The following RUBCNL variants were observed in gnomAD, a reference collection of about 807,000 sequenced individuals.
RUBCNL encodes protein associated with UVRAG as autophagy enhancer.
RUBCNL carries 62 observed loss-of-function variants against 69.5 expected under a neutral mutation model. The ratio of observed to expected loss-of-function variants is 0.89; its 90% CI spans 0.73 to 1.10. The LOEUF (loss-of-function observed/expected upper bound fraction) is 1.10, where lower values mean the gene tolerates loss of function less well. Among genes scored for constraint, RUBCNL ranks in the 50% least tolerant of loss-of-function variants. The pLI, the probability that RUBCNL is intolerant of heterozygous loss-of-function variation, is 0.00. For missense variants in RUBCNL, 768 were observed against 798.1 expected, an observed-to-expected ratio of 0.96 and a Z score of 0.45; for synonymous variants, 291 against 303.6, an observed-to-expected ratio of 0.96 and a Z score of 0.43.
At chr13:46,362,939 G>GATATATATATATATATATATATAT (rs57722239) in intron 6 of RUBCNL, among the ~76,000 whole-genome samples, 176 bp downstream of exon 6, 1 of 41,482 alleles carries the variant, frequency 2.4e-5, no homozygotes, top group Non-Finnish European at 3.8e-5. Context: ...TATATATATA[G>GATATATATATATATATATATATAT]ATATATATAT....
At position 46,338,190 on chromosome 13, in the gene RUBCNL, C is replaced by T. The variant is rs2048116389; in HGVS notation, c.*5195G>A. On this transcript the variant is annotated 3_prime_UTR_variant, in exon 15 of 15. Transcript: ENST00000429979. ...AATACAGGTCCACATGCCATATATCCAAGTATTTAAAATTTGAAATATGTT... is the reference window on the plus strand; with the variant it reads ...AATACAGGTCCACATGCCATATATCTAAGTATTTAAAATTTGAAATATGTT... Among the ~76,000 whole-genome samples, 2 of 152,194 alleles carry T rather than the reference C, an allele frequency of 1.3e-5. No individual in the cohort carries two copies. Among genetic ancestry groups the T allele is most frequent in the African/African-American group, 4.8e-5 (2 of 41,456 alleles).
Position 46,335,081 on chromosome 13 carries a change from T to A in RUBCNL, c.*8304A>T, listed in dbSNP as rs534326289. Among the ~76,000 whole-genome samples, 1 of 151,886 alleles carries A rather than the reference T, an allele frequency of 6.6e-6. No individual in the cohort carries two copies. The highest frequency in any genetic ancestry group is 1.5e-5 in the Non-Finnish European group (1 of 67,982). On this transcript the variant is annotated 3_prime_UTR_variant, in exon 15 of 15. Coordinates refer to ENST00000429979, the MANE Select transcript of RUBCNL (RefSeq NM_025113.5). The stretch of plus-strand genomic sequence containing the variant: ...GTAAAGAATTTGGACTTTTTTTTTT[T>A]TGAGATGGGGTCTCACTCTGTCACC...
At chr13:46,359,748 C>T in intron 8 of RUBCNL, 117 bp from the exon 9 acceptor site, 3 of 1,038,332 alleles carry the variant, frequency 2.9e-6, no homozygotes, top group Non-Finnish European at 4.0e-6. Flanking sequence ...ATTAACAGTG[C>T]TTTTAACTGA....
At chr13:46,383,686 T>TA (rs1207729123) in intron 1 of RUBCNL, among the ~76,000 whole-genome samples, 1 of 152,148 alleles carries the variant, frequency 6.6e-6, no homozygotes, top group Admixed American at 6.5e-5. Flanking sequence ...TGAAGACTAT[T>TA]AAAGCTATCT....
At chr13:46,380,153 CAGA>C (rs1172144558) in intron 1 of RUBCNL, among the ~76,000 whole-genome samples, 1 of 152,112 alleles carries the variant, frequency 6.6e-6, no homozygotes, top group African/African-American at 2.4e-5. Context: ...GGTTTGCTGT[CAGA>C]AGAACACAAC....
intron 4 of RUBCNL, 153 bp from the exon 5 acceptor site, chr13:46,368,402 G>C (rs1051157918): frequency 1.0e-6 from 1 of 968,554 alleles, no homozygotes; most frequent in African/African-American, 1.8e-5. Context: ...GTCACTCTAT[G>C]ACTTATAGCA....
In RUBCNL at chr13:46,344,805, AC is replaced by A; in HGVS notation, c.1811del (p.Cys604LeufsTer84). The A allele has an allele frequency of 6.2e-7, 1 of 1,611,828 alleles. No homozygotes were observed. On this transcript the variant is annotated frameshift_variant, in exon 14 of 15. Coordinates refer to ENST00000429979, the MANE Select transcript of RUBCNL (RefSeq NM_025113.5). LOFTEE classifies it high-confidence loss of function. Reference sequence around the variant, plus strand: ...TGACAGTCGTATTCTGGCAAAATTCACAAATAAAGCCCTTTCCTTGACACAG... The same window carrying A: ...TGACAGTCGTATTCTGGCAAAATTCAAAATAAAGCCCTTTCCTTGACACAG... ...CELCQGKGFI[C>X]EFCQNTTVIF... is the part of the protein sequence containing the mutation.
rs2138694605 is a variant in RUBCNL at position 46,350,522 on chromosome 13, G to A, written c.1331-171C>T. 3 of 565,766 alleles carry A rather than the reference G, an allele frequency of 5.3e-6. No individual in the cohort carries two copies. In the South Asian group the frequency reaches 7.2e-5, roughly 14 times the overall value. The allele number at this position is 565,766 out of a possible 1,614,324, so 35.0% of individuals were successfully genotyped here. On this transcript the variant is annotated intron_variant, in intron 10 of 14. Transcript: ENST00000429979. ...GGGAAGGCTCCAGCAGAGACTTGGG[G>A]AATTAAATCATGGCCATTCATGAGC...
intron 9 of RUBCNL, 115 bp from the exon 10 acceptor site, chr13:46,356,611 G>T: frequency 1.3e-6 from 1 of 776,564 alleles, no homozygotes; most frequent in Non-Finnish European, 2.1e-6. Context: ...CCTTAACTTT[G>T]TCACTTTTCA....
intron 5 of RUBCNL, among the ~76,000 whole-genome samples, chr13:46,367,444 C>T (rs1220815635): frequency 2.6e-5 from 4 of 152,100 alleles, no homozygotes; most frequent in African/African-American, 7.2e-5. Context: ...ACATCAGCCA[C>T]GTTTATTTCC....
intron 14 of RUBCNL, among the ~76,000 whole-genome samples, chr13:46,344,525 T>C (rs73479355): frequency 0.011 from 1,641 of 152,288 alleles, 24 homozygotes; most frequent in African/African-American, 0.036. Flanking sequence ...CATTATCCTT[T>C]ATCCCTGCCC....
Position 46,336,970 on chromosome 13 carries a change from A to G in RUBCNL, c.*6415T>C, listed in dbSNP as rs544842751. ...CATGACTGTTATGGACTGAATATTT[A>G]TATCTCCTCAAAAGTCATGTGTTGA... On this transcript the variant is annotated 3_prime_UTR_variant, in exon 15 of 15. Transcript: ENST00000429979. Among the ~76,000 whole-genome samples, 27 of 152,128 alleles carry G rather than the reference A, an allele frequency of 1.8e-4. No individual in the cohort carries two copies. In the South Asian group the frequency reaches 5.4e-3, roughly 30 times the overall value.
At chr13:46,378,085 T>A (rs1450380033) in intron 1 of RUBCNL, 80 bp from the exon 2 acceptor site, 6 of 710,940 alleles carry the variant, frequency 8.4e-6, no homozygotes, top group Non-Finnish European at 1.3e-5. Context: ...GTTTGTAGTG[T>A]GTTAGTTATT....
intron 1 of RUBCNL, among the ~76,000 whole-genome samples, chr13:46,381,181 C>G (rs956130740): frequency 6.6e-6 from 1 of 152,158 alleles, no homozygotes; most frequent in Non-Finnish European, 1.5e-5. Context: ...TCTAGCAGCA[C>G]TATTCATAAT....
At position 46,372,573 on chromosome 13, in the gene RUBCNL, C is replaced by A. The variant is rs975646996; in HGVS notation, c.-98G>T. 8.1e-6 allele frequency: 12 copies of A among 1,480,844 alleles called. No homozygotes were observed. Among genetic ancestry groups the A allele is most frequent in the Non-Finnish European group, 1.1e-5 (12 of 1,112,724 alleles). 91.7% of individuals were successfully genotyped at this position (1,480,844 alleles called of 1,614,324 possible). A position where few individuals can be genotyped will look rare whatever the true frequency, so the allele number is the denominator to read the frequency against. On this transcript the variant is annotated 5_prime_UTR_variant, in exon 3 of 15. Transcript: ENST00000429979. ...TTTGGGCCCTGAACTCACCACATGGCCAGCTGGGGGTCTGGAGAGCTATTC... is the reference window on the plus strand; with the variant it reads ...TTTGGGCCCTGAACTCACCACATGGACAGCTGGGGGTCTGGAGAGCTATTC...
At chr13:46,371,578 G>A (rs2048875550) in intron 3 of RUBCNL, among the ~76,000 whole-genome samples, 1 of 152,184 alleles carries the variant, frequency 6.6e-6, no homozygotes, top group Non-Finnish European at 1.5e-5. Context: ...GGTGTGAAAT[G>A]CAGACCCCGT....
chr13:46,346,158 G>A (rs746918871), intron 12 of RUBCNL, among the ~76,000 whole-genome samples: 27 of 152,078 alleles, frequency 1.8e-4, no homozygotes, highest in Non-Finnish European at 3.8e-4. Flanking sequence ...CTCCAAACCC[G>A]GCAGGTGTCG....
intron 11 of RUBCNL, among the ~76,000 whole-genome samples, chr13:46,349,693 T>A (rs966348497): frequency 2.6e-5 from 4 of 151,976 alleles, no homozygotes; most frequent in East Asian, 1.9e-4. Context: ...TTTTTTTTTT[T>A]TGAGACAGGG....
rs572290963 is a variant in RUBCNL at position 46,338,066 on chromosome 13, T to A, written c.*5319A>T. Among the ~76,000 whole-genome samples, 1 of 152,134 alleles carries A rather than the reference T, an allele frequency of 6.6e-6. No homozygotes were observed. Among genetic ancestry groups the A allele is most frequent in the Admixed American group, 6.5e-5 (1 of 15,282 alleles). ...GAGTGTAAGGAGAAGGGAGCATGTGTGTGCACGTGCAGTACGCTGAAGAAT... is the reference window on the plus strand; with the variant it reads ...GAGTGTAAGGAGAAGGGAGCATGTGAGTGCACGTGCAGTACGCTGAAGAAT... On this transcript the variant is annotated 3_prime_UTR_variant, in exon 15 of 15. Coordinates refer to ENST00000429979, the MANE Select transcript of RUBCNL (RefSeq NM_025113.5).
Sources: gnomAD v4.1 joint callset for allele counts (sites outside exome capture counted in the v4.1 genomes callset) on GRCh38, gnomAD v4.1.1 for gene constraint, MANE v1.5 for transcripts, NCBI Gene and HGNC (gene_info 2026-07-23, HGNC 2026-07-21) for gene names.